The following DSC3 variants were observed in gnomAD, a reference collection of about 807,000 sequenced individuals.
DSC3 encodes the protein desmocollin-3.
Under a neutral mutation model 89.5 loss-of-function variants are expected in DSC3, and 97 were observed. That is an observed-to-expected ratio of 1.08 (90% confidence interval 0.92 to 1.28). DSC3 has a LOEUF of 1.28. DSC3 is among the 50% of genes most tolerant of loss of function. The pLI, the probability that DSC3 is intolerant of heterozygous loss-of-function variation, is 0.00. For missense variants in DSC3, 1,199 were observed against 1,085.3 expected, an observed-to-expected ratio of 1.10 and a Z score of -1.47; for synonymous variants, 436 against 384.1, an observed-to-expected ratio of 1.14 and a Z score of -1.58.
In DSC3 at chr18:31,022,169, A is replaced by G. The variant is rs1985443062; in HGVS notation, c.942+167T>C. On this transcript the variant is annotated intron_variant, in intron 7 of 15. Transcript: ENST00000360428. ...CTAGTCCTTATGGCTACTCTAACAT[A>G]AGGAAATAGAAATAATATAAAAAAC... 2.6e-5 allele frequency among the ~76,000 whole-genome samples: 4 copies of G among 152,306 alleles called. No homozygotes were observed. The South Asian group carries it at 8.3e-4, about 32-fold the overall frequency.
chr18:31,008,053 A>G lies in DSC3; in HGVS notation c.1626T>C (p.Asn542=). 2 of 1,613,174 alleles carry G rather than the reference A, an allele frequency of 1.2e-6. No individual in the cohort carries two copies. The highest frequency in any genetic ancestry group is 1.1e-5 in the South Asian group (1 of 91,044). The stretch of plus-strand genomic sequence containing the variant: ...CCAGGACTGTAATATTATACAACTC[A>G]TTTTTGGGAGTTTCAACCTCCCTAT... ...ILDREVETPK[N]ELYNITVLAI... is the part of the protein sequence containing the mutation. Residue 542 remains asparagine (N), a synonymous_variant, in exon 11 of 16, where the codon AAT becomes AAC. Coordinates refer to ENST00000360428, the MANE Select transcript of DSC3 (RefSeq NM_001941.5).
chr18:31,007,036 G>T lies in DSC3; in HGVS notation c.1759C>A (p.Pro587Thr), dbSNP rs1425739696. 2 of 1,613,662 alleles carry T rather than the reference G, an allele frequency of 1.2e-6. No homozygotes were observed. The highest frequency in any genetic ancestry group is 1.3e-5 in the African/African-American group (1 of 74,866). The change falls in exon 12 of 16, where the codon CCA becomes ACA. Residue 587 changes from proline to threonine, a missense_variant. Pro to Thr is a conservative substitution (Grantham distance 38). Transcript: ENST00000360428. ...ILQEYVVICK[P>T]KMGYTDILAV... is the part of the protein sequence containing the mutation. ...AAAATGTCGGTATACCCCATTTTTG[G>T]TTTGCAAATGACTACATATTCTTGA...
chr18:31,031,845 A>G (rs1985801473), intron 2 of DSC3, among the ~76,000 whole-genome samples: 3 of 152,236 alleles, frequency 2.0e-5, no homozygotes, highest in South Asian at 4.1e-4. Context: ...CCATTCTTCA[A>G]CTATTTGTCT....
At position 31,024,452 on chromosome 18, in the gene DSC3, A is replaced by T; in HGVS notation, c.672T>A (p.Asp224Glu). ...CCCTGATGGGTAGTGGGAGGGGCAG[A>T]TCTGCTGAATATCCATCTGCAGTTG... ...YASTADGYSA[D>E]LPLPLPIRVE... The change falls in exon 6 of 16, where the codon GAT becomes GAA. Residue 224 changes from aspartate to glutamate, a missense_variant. Transcript: ENST00000360428. The T allele has an allele frequency of 6.2e-7, 1 of 1,612,852 alleles. No homozygotes were observed. Among genetic ancestry groups the T allele is most frequent in the East Asian group, 2.2e-5 (1 of 44,840 alleles).
rs1984363366 is a variant in DSC3 at position 30,993,983 on chromosome 18, T to C, written c.*192A>G. The C allele has an allele frequency of 1.8e-6, 1 of 553,502 alleles. No individual in the cohort carries two copies. The highest frequency in any genetic ancestry group is 3.1e-5 in the Admixed American group (1 of 31,848). The allele number at this position is 553,502 out of a possible 1,614,324, so 34.3% of individuals were successfully genotyped here. A position where few individuals can be genotyped will look rare whatever the true frequency, so the allele number is the denominator to read the frequency against. ...GCTGGAGTTTGAGATTTACCAGTTG[T>C]CTGTTTTAACATTTTTCACTTTTTG... On this transcript the variant is annotated 3_prime_UTR_variant, in exon 16 of 16. Coordinates refer to ENST00000360428, the MANE Select transcript of DSC3 (RefSeq NM_001941.5).
chr18:31,035,516 G>A (rs1985941944), intron 1 of DSC3, among the ~76,000 whole-genome samples: 2 of 151,788 alleles, frequency 1.3e-5, no homozygotes, highest in African/African-American at 4.8e-5. Context: ...TTGTCACCTT[G>A]GGATGAAAAA....
At chr18:31,025,254 T>C (rs1161926720) in intron 5 of DSC3, among the ~76,000 whole-genome samples, 2 of 152,166 alleles carry the variant, frequency 1.3e-5, no homozygotes, top group Non-Finnish European at 2.9e-5. Flanking sequence ...TAAGCTCATC[T>C]ATATCAGAAT....
chr18:31,020,134 C>T (rs1985369548), intron 7 of DSC3, among the ~76,000 whole-genome samples: 1 of 152,084 alleles, frequency 6.6e-6, no homozygotes, highest in South Asian at 2.1e-4. Flanking sequence ...GTCCAAAAGG[C>T]ACCTGGATAT....
chr18:30,994,636 A>C (rs1337733479), intron 15 of DSC3: 5 of 588,936 alleles, frequency 8.5e-6, no homozygotes, highest in Non-Finnish European at 1.2e-5. Context: ...GTTGTCATTA[A>C]ATGCTTATCC....
intron 15 of DSC3, among the ~76,000 whole-genome samples, chr18:30,995,634 T>A (rs1387656562): frequency 1.3e-5 from 2 of 152,134 alleles, no homozygotes; most frequent in Non-Finnish European, 2.9e-5. Flanking sequence ...TAAATTAGAA[T>A]CTTTTAGAGT....
chr18:31,004,432 T>C, intron 12 of DSC3, 66 bp from the exon 13 acceptor site: 1 of 1,462,384 alleles, frequency 6.8e-7, no homozygotes. Flanking sequence ...ATTTGTTTCA[T>C]CACGCTTGTT....
Position 31,042,651 on chromosome 18 carries a change from C to T in DSC3, c.10G>A (p.Ala4Thr). Residue 4 changes from alanine (A) to threonine (T), a missense_variant, in exon 1 of 16, where the codon GCT becomes ACT. Transcript: ENST00000360428. Reference sequence around the variant, plus strand: ...CCGCGCACGGAGCGCCGGGGCCCAGCGGCGGCCATCGGGATGCCGGGCAGG... The same window carrying T: ...CCGCGCACGGAGCGCCGGGGCCCAGTGGCGGCCATCGGGATGCCGGGCAGG... MAAAGPRRSVRGAV... is the reference protein window; with the variant it reads MAATGPRRSVRGAV... 1 of 1,549,344 alleles carries T rather than the reference C, an allele frequency of 6.5e-7. No homozygotes were observed. Among genetic ancestry groups the T allele is most frequent in the Non-Finnish European group, 8.7e-7 (1 of 1,146,314 alleles).
intron 9 of DSC3, among the ~76,000 whole-genome samples, chr18:31,009,011 C>G (rs1294447212): frequency 1.3e-5 from 2 of 152,124 alleles, no homozygotes; most frequent in African/African-American, 4.8e-5. Flanking sequence ...ATTTCATTTT[C>G]TGTCTCATAG....
At chr18:31,031,215 GA>G (rs370006572) in intron 2 of DSC3, 43 bp from the exon 3 acceptor site, 69 of 1,307,004 alleles carry the variant, frequency 5.3e-5, no homozygotes, top group African/African-American at 9.2e-5. Context: ...AAACACATGA[GA>G]AAAAAAAACG....
chr18:31,015,606 CT>C (rs1985209834), intron 9 of DSC3, among the ~76,000 whole-genome samples: 2 of 152,132 alleles, frequency 1.3e-5, no homozygotes, highest in South Asian at 4.1e-4. Context: ...GACAAAACCT[CT>C]GATATTAAAT....
At position 31,042,598 on chromosome 18, in the gene DSC3, G is replaced by A; in HGVS notation, c.63C>T (p.Thr21=). The A allele has an allele frequency of 6.4e-7, 1 of 1,550,570 alleles. No homozygotes were observed. Among genetic ancestry groups the A allele is most frequent in the Non-Finnish European group, 8.7e-7 (1 of 1,146,956 alleles). The part of the protein sequence containing the change: ...RGAVCLHLLL[T]LVIFSRAGEA... Reference sequence around the variant, plus strand: ...CCGGCGAGATCTGGCTTACCACGAGGGTCAGCAGCAGATGCAGGCAGACGG... The same window carrying A: ...CCGGCGAGATCTGGCTTACCACGAGAGTCAGCAGCAGATGCAGGCAGACGG... The change falls in exon 1 of 16, where the codon ACC becomes ACT. Residue 21 remains threonine, a synonymous_variant. Coordinates refer to ENST00000360428, the MANE Select transcript of DSC3 (RefSeq NM_001941.5).
At chr18:31,005,951 A>G (rs151133432) in intron 12 of DSC3, among the ~76,000 whole-genome samples, 162 of 152,314 alleles carry the variant, frequency 1.1e-3, no homozygotes, top group African/African-American at 3.8e-3. Context: ...CATAAATATC[A>G]TGAAAAAAAT....
At chr18:31,032,375 C>T (rs749686126) in intron 1 of DSC3, 99 bp from the exon 2 acceptor site, 39 of 905,658 alleles carry the variant, frequency 4.3e-5, no homozygotes, top group Middle Eastern at 3.2e-4. Context: ...CAAAGTCCAA[C>T]ACCCATTTAC....
intron 4 of DSC3, among the ~76,000 whole-genome samples, chr18:31,028,077 GT>G (rs1164977229): frequency 1.3e-5 from 2 of 152,008 alleles, no homozygotes; most frequent in Non-Finnish European, 2.9e-5. Flanking sequence ...GAAATACAAA[GT>G]TTTAAGTATT....
Sources: gnomAD v4.1 joint callset for allele counts (sites outside exome capture counted in the v4.1 genomes callset) on GRCh38, gnomAD v4.1.1 for gene constraint, MANE v1.5 for transcripts, NCBI Gene and HGNC (gene_info 2026-07-23, HGNC 2026-07-21) for gene names.